Variants in QRICH1 observed in about 807,000 individuals in gnomAD.
QRICH1 encodes the protein transcriptional regulator QRICH1.
QRICH1 carries 16 observed loss-of-function variants against 87.1 expected under a neutral mutation model. The ratio of observed to expected loss-of-function variants is 0.18; its 90% confidence interval spans 0.12 to 0.28. The LOEUF is 0.28. Among genes scored for constraint, QRICH1 ranks in the 10% least tolerant of loss-of-function variants. QRICH1 has a pLI of 1.00. For synonymous variants in QRICH1, 367 were observed against 368.4 expected (o/e 1.00, Z 0.05); for missense variants, 647 against 951.7 (o/e 0.68, Z 4.21).
intron 1 of QRICH1, among the ~76,000 whole-genome samples, chr3:49,087,422 G>T (rs933295441): frequency 2.6e-5 from 4 of 151,412 alleles, no homozygotes; most frequent in African/African-American, 9.7e-5. Flanking sequence ...TGTGGTGCCT[G>T]TAGTCCCAGC....
At chr3:49,056,360 C>T (rs956903103) in intron 3 of QRICH1, among the ~76,000 whole-genome samples, 2 of 152,170 alleles carry the variant, frequency 1.3e-5, no homozygotes, top group African/African-American at 4.8e-5. Context: ...TTAACAGGCT[C>T]CTTATGAGTT....
At chr3:49,091,998 G>A (rs1286111097) in intron 1 of QRICH1, among the ~76,000 whole-genome samples, 1 of 151,076 alleles carries the variant, frequency 6.6e-6, no homozygotes, top group Non-Finnish European at 1.5e-5. Context: ...CTTCAACCAG[G>A]GAGGCGGAGG....
rs772425628 is a variant in QRICH1, at chr3:49,033,157, A to C, written c.1858T>G (p.Ser620Ala). 6.3e-7 allele frequency: 1 copy of C among 1,581,662 alleles called. No individual in the cohort carries two copies. The highest frequency in any genetic ancestry group is 1.2e-5 in the South Asian group (1 of 85,722). ...AACATGAGGGTGGTCAGCAAGGTGG[A>C]GGGGGAGTGAGCCCCAAGCTGCTTG... ...ECKQLGAHSP[S>A]TLLTTLMFFN... is the part of the protein sequence containing the mutation. The change falls in exon 7 of 10, where the codon TCC (serine) becomes GCC (alanine). Residue 620 changes from serine (S) to alanine (A), a missense_variant. Transcript: ENST00000395443.
chr3:49,089,715 A>G (rs2042236918), intron 1 of QRICH1, among the ~76,000 whole-genome samples: 1 of 152,252 alleles, frequency 6.6e-6, no homozygotes, highest in South Asian at 2.1e-4. Flanking sequence ...TTATGCTAAG[A>G]CAACATAATA....
rs190424628 is a variant in QRICH1 at position 49,076,673 on chromosome 3, C to G, written c.309+36G>C. The G allele has an allele frequency of 9.2e-5, 134 of 1,460,442 alleles. 1 individual carries two copies. Among genetic ancestry groups the G allele is most frequent in the Admixed American group, 7.1e-4 (31 of 43,386 alleles). 90.5% of individuals were successfully genotyped at this position (1,460,442 alleles called of 1,614,324 possible). The stretch of plus-strand genomic sequence containing the variant: ...TAAAACACTGACAACAAATAAAGTA[C>G]ATTAAACAGGCTGCACCTCAGCATT... On this transcript the variant is annotated intron_variant, in intron 2 of 9. Coordinates refer to ENST00000395443, the MANE Select transcript of QRICH1 (RefSeq NM_198880.3).
intron 1 of QRICH1, among the ~76,000 whole-genome samples, chr3:49,083,004 C>T (rs899121996): frequency 1.1e-4 from 17 of 151,222 alleles, no homozygotes; most frequent in African/African-American, 2.7e-4. Context: ...GTCGGGAGTT[C>T]GAGACCAGCC....
chr3:49,081,494 CCT>C (rs2042058748), intron 1 of QRICH1, among the ~76,000 whole-genome samples: 1 of 152,024 alleles, frequency 6.6e-6, no homozygotes, highest in South Asian at 2.1e-4. Flanking sequence ...GTTCCACACC[CCT>C]GATTTTTTGT....
chr3:49,041,892 CTCTGGGATTA>C (rs1192741328), intron 6 of QRICH1, among the ~76,000 whole-genome samples: 1 of 151,130 alleles, frequency 6.6e-6, no homozygotes, highest in African/African-American at 2.4e-5. Flanking sequence ...CCTCCCAAAG[CTCTGGGATTA>C]TCTGGGATTA....
At chr3:49,087,818 CAAAAAA>C (rs58022360) in intron 1 of QRICH1, among the ~76,000 whole-genome samples, 21 of 47,678 alleles carry the variant, frequency 4.4e-4, no homozygotes, top group Admixed American at 3.3e-3. Flanking sequence ...AGGTTCATCT[CAAAAAA>C]AAAAAAAAAA....
intron 3 of QRICH1, among the ~76,000 whole-genome samples, chr3:49,048,765 G>A (rs1231610109): frequency 8.9e-6 from 1 of 112,408 alleles, no homozygotes; most frequent in African/African-American, 3.6e-5. Flanking sequence ...TCCAGCCTGG[G>A]TAACAGAGTG....
rs1385242388 is a variant in QRICH1 at position 49,057,606 on chromosome 3, C to T, written c.594G>A (p.Gln198=). The change falls in exon 3 of 10, where the codon CAG becomes CAA. Residue 198 remains glutamine, a synonymous_variant. Transcript: ENST00000395443. This position sits in a 1 kb window ranked among gnomAD's most constrained non-coding sequence, Gnocchi z 5.4. Reference sequence around the variant, plus strand: ...CAGCAAGAGACTGGCCAGCCACCAGCTGAGCCTGGATTTGCTGATGTGGGA... The same window carrying T: ...CAGCAAGAGACTGGCCAGCCACCAGTTGAGCCTGGATTTGCTGATGTGGGA... ...EHIPHQQIQA[Q]LVAGQSLAGG... is the part of the protein sequence containing the mutation. 2 of 1,613,990 alleles carry T rather than the reference C, an allele frequency of 1.2e-6. No individual in the cohort carries two copies. Among genetic ancestry groups the T allele is most frequent in the Admixed American group, 3.3e-5 (2 of 60,002 alleles).
At chr3:49,051,007 C>T (rs2093367300) in intron 3 of QRICH1, among the ~76,000 whole-genome samples, 1 of 152,232 alleles carries the variant, frequency 6.6e-6, no homozygotes, top group South Asian at 2.1e-4. Context: ...TACCGTCTTG[C>T]TCAAAGCCAA....
chr3:49,034,001 C>CAAAAAAACAA (rs2093258799), intron 6 of QRICH1, among the ~76,000 whole-genome samples: 1 of 149,948 alleles, frequency 6.7e-6, no homozygotes, highest in Admixed American at 6.6e-5. Context: ...AACAAAAAAA[C>CAAAAAAACAA]AAAAAAACAA....
intron 1 of QRICH1, among the ~76,000 whole-genome samples, chr3:49,082,682 T>C (rs970871323): frequency 2.7e-5 from 4 of 145,580 alleles, no homozygotes; most frequent in Non-Finnish European, 6.0e-5. Context: ...GATCACGAGG[T>C]CGGGAGATCG....
intron 3 of QRICH1, among the ~76,000 whole-genome samples, chr3:49,050,767 T>A (rs1334840633): frequency 6.6e-6 from 1 of 152,146 alleles, no homozygotes; most frequent in Non-Finnish European, 1.5e-5. Flanking sequence ...TTCCATGAAC[T>A]GCCAACCATC....
chr3:49,064,269 G>A (rs1454900631), intron 2 of QRICH1, among the ~76,000 whole-genome samples: 4 of 133,556 alleles, frequency 3.0e-5, no homozygotes, highest in South Asian at 2.4e-4. Context: ...GGAGACAAGA[G>A]TCTCAGTCTA....
intron 4 of QRICH1, 34 bp downstream of exon 4, chr3:49,047,035 T>C (rs1559931045): frequency 1.9e-6 from 3 of 1,591,100 alleles, no homozygotes; most frequent in Non-Finnish European, 2.6e-6. Flanking sequence ...CATTGCATTT[T>C]AGACACAGCC....
In QRICH1 at chr3:49,093,977, G is replaced by A. The variant is rs1211791630; in HGVS notation, c.-87C>T. 1.2e-5 allele frequency: 5 copies of A among 403,612 alleles called. No homozygotes were observed. The highest frequency in any genetic ancestry group is 3.5e-5 in the East Asian group (1 of 28,290). The allele number at this position is 403,612 out of a possible 1,614,324, so 25.0% of individuals were successfully genotyped here. A position where few individuals can be genotyped will look rare whatever the true frequency, so the allele number is the denominator to read the frequency against. On this transcript the variant is annotated 5_prime_UTR_variant, in exon 1 of 10. Transcript: ENST00000395443. ...ACCCGCCGGCCCCGCCGCACCGCCA[G>A]GGACCCTGGTTCTGCCGTCGTCGCT...
At chr3:49,072,711 T>C (rs188733217) in intron 2 of QRICH1, among the ~76,000 whole-genome samples, 20 of 152,228 alleles carry the variant, frequency 1.3e-4, no homozygotes, top group African/African-American at 4.6e-4. Context: ...GCTATGTCCT[T>C]CCAATATACT....
Sources: allele counts gnomAD v4.1 joint callset (sites outside exome capture counted in the v4.1 genomes callset), GRCh38; gene constraint gnomAD v4.1.1; non-coding constraint Gnocchi (gnomAD v3.1); transcripts MANE v1.5; gene names NCBI Gene and HGNC (gene_info 2026-07-23, HGNC 2026-07-21).